Variants in C12orf42 observed in about 807,000 individuals in gnomAD.
C12orf42 encodes the protein uncharacterized protein C12orf42.
Under a neutral mutation model 21.6 loss-of-function variants are expected in C12orf42, and 25 were observed. The ratio of observed to expected loss-of-function variants is 1.16; its 90% CI spans 0.84 to 1.62. C12orf42 has a LOEUF of 1.62. Ranked by LOEUF, C12orf42 falls within the 40% of genes most tolerant of loss-of-function variation. C12orf42 has a pLI of 0.00. For synonymous variants in C12orf42, 174 were observed against 175.0 expected, an observed-to-expected ratio of 0.99 and a Z score of 0.05; for missense variants, 483 against 459.3, an observed-to-expected ratio of 1.05 and a Z score of -0.47.
intron 1 of C12orf42, among the ~76,000 whole-genome samples, chr12:103,494,167 G>A (rs1198793862): frequency 6.6e-6 from 1 of 152,178 alleles, no homozygotes; most frequent in African/African-American, 2.4e-5. Context: ...ACAATAGCCT[G>A]GCCCTCTCGC....
chr12:103,103,168 T>C, the C12orf42 span, among the ~76,000 whole-genome samples: 2 of 152,186 alleles, frequency 1.3e-5, no homozygotes, highest in African/African-American at 4.8e-5. Context: ...ATCATATCCA[T>C]AGGTTCCTTC....
intron 4 of C12orf42, among the ~76,000 whole-genome samples, chr12:103,294,080 A>C (rs1158973645): frequency 6.6e-6 from 1 of 152,190 alleles, no homozygotes; most frequent in African/African-American, 2.4e-5. Flanking sequence ...AGGTTGAACT[A>C]GTCAAGGAAG....
chr12:103,077,414 C>G, the C12orf42 span, among the ~76,000 whole-genome samples: 48 of 152,242 alleles, frequency 3.2e-4, no homozygotes, highest in African/African-American at 1.1e-3. Flanking sequence ...AGGCATTCTT[C>G]TAAAGACTTT....
chr12:103,270,702 A>G (rs965913131), intron 5 of C12orf42, among the ~76,000 whole-genome samples: 1 of 149,128 alleles, frequency 6.7e-6, no homozygotes, highest in Non-Finnish European at 1.5e-5. Context: ...AGCATTAGGT[A>G]TATCTCCTAA....
At chr12:103,228,282 G>A in the C12orf42 span, among the ~76,000 whole-genome samples, 17 of 152,080 alleles carry the variant, frequency 1.1e-4, no homozygotes, top group Non-Finnish European at 2.1e-4. Flanking sequence ...AAGGGGGTTT[G>A]TTCTCTGGCG....
the C12orf42 span, among the ~76,000 whole-genome samples, chr12:103,207,548 A>C: frequency 1.5e-4 from 23 of 152,258 alleles, no homozygotes; most frequent in Non-Finnish European, 1.9e-4. Context: ...TAAAAGAGAA[A>C]ATAAAACCCA....
intron 2 of C12orf42, chr12:103,477,018 AT>A (rs1201146531): frequency 1.3e-5 from 2 of 152,184 alleles, no homozygotes; most frequent in African/African-American, 4.8e-5. Flanking sequence ...TGAAAAAAAA[AT>A]GTGATGTTAA....
chr12:103,311,558 C>A (rs970868110), intron 4 of C12orf42, among the ~76,000 whole-genome samples: 1 of 152,152 alleles, frequency 6.6e-6, no homozygotes, highest in Admixed American at 6.5e-5. Context: ...GAAACAGAGA[C>A]TGTTGGAAAA....
chr12:103,562,095 A>G, the C12orf42 span, among the ~76,000 whole-genome samples: 3 of 152,216 alleles, frequency 2.0e-5, no homozygotes, highest in Non-Finnish European at 4.4e-5. Flanking sequence ...TGGCAAAATC[A>G]ATTTATTATT....
the C12orf42 span, among the ~76,000 whole-genome samples, chr12:103,514,837 A>G: frequency 1.2e-4 from 18 of 152,208 alleles, no homozygotes; most frequent in Non-Finnish European, 1.5e-5. Context: ...AAATATACCT[A>G]TAGAGGAGTT....
chr12:103,543,661 G>T, the C12orf42 span, among the ~76,000 whole-genome samples: 5 of 151,480 alleles, frequency 3.3e-5, no homozygotes, highest in Non-Finnish European at 5.9e-5. Context: ...ACTTCCCAGT[G>T]CCCCTGCTTT....
At chr12:103,127,729 C>A in the C12orf42 span, among the ~76,000 whole-genome samples, 1 of 152,152 alleles carries the variant, frequency 6.6e-6, no homozygotes, top group East Asian at 1.9e-4. Context: ...GGACACCTCC[C>A]TACGACACAT....
the C12orf42 span, among the ~76,000 whole-genome samples, chr12:103,146,501 AAG>A: frequency 6.7e-5 from 10 of 148,840 alleles, 1 homozygote; most frequent in Admixed American, 6.1e-4. Flanking sequence ...AAAAGAAAGA[AAG>A]AGAAAAGAAA....
intron 3 of C12orf42, among the ~76,000 whole-genome samples, chr12:103,381,781 G>C (rs2046199870): frequency 6.6e-6 from 1 of 152,130 alleles, no homozygotes; most frequent in Non-Finnish European, 1.5e-5. Context: ...GCCAGGCATG[G>C]TGGTGGGTGC....
the C12orf42 span, among the ~76,000 whole-genome samples, chr12:103,076,567 C>T: frequency 6.6e-6 from 1 of 152,094 alleles, no homozygotes; most frequent in Non-Finnish European, 1.5e-5. Flanking sequence ...TTTTCAGTGA[C>T]TCCAGTGAAT....
At chr12:103,245,128 A>C (rs1715872048) in intron 10 of C12orf42, among the ~76,000 whole-genome samples, 1 of 152,146 alleles carries the variant, frequency 6.6e-6, no homozygotes, top group Non-Finnish European at 1.5e-5. Context: ...TGTACTTTTC[A>C]AAATTTGAGC....
intron 10 of C12orf42, among the ~76,000 whole-genome samples, chr12:103,253,211 T>A (rs2034393957): frequency 6.6e-6 from 1 of 152,224 alleles, no homozygotes; most frequent in Non-Finnish European, 1.5e-5. Flanking sequence ...TACTGTAGCC[T>A]TATAGTACAG....
chr12:103,361,866 G>A (rs766104375), intron 4 of C12orf42, among the ~76,000 whole-genome samples: 1 of 152,052 alleles, frequency 6.6e-6, no homozygotes, highest in Non-Finnish European at 1.5e-5. Flanking sequence ...CCCAAGGGGA[G>A]TCTAAGTTCA....
chr12:103,297,444 A>G (rs868507953), downstream of C12orf42, among the ~76,000 whole-genome samples: 1 of 152,268 alleles, frequency 6.6e-6, no homozygotes, highest in African/African-American at 2.4e-5. Context: ...CAGGATCTGA[A>G]ATTGAGGCAA....
Sources: allele counts gnomAD v4.1 joint callset (sites outside exome capture counted in the v4.1 genomes callset), GRCh38; gene constraint gnomAD v4.1.1; transcripts MANE v1.5; gene names NCBI Gene and HGNC (gene_info 2026-07-23, HGNC 2026-07-21).